The following MYRFL variants were observed in gnomAD, a reference collection of about 807,000 sequenced individuals.
MYRFL encodes myelin regulatory factor-like protein.
A neutral mutation model predicts 109.4 loss-of-function variants in MYRFL; 88 were observed. The ratio of observed to expected loss-of-function variants is 0.80; its 90% CI spans 0.68 to 0.96. The LOEUF (loss-of-function observed/expected upper bound fraction) is 0.96, where lower values mean the gene tolerates loss of function less well. MYRFL is among the 40% of genes least tolerant of loss of function. MYRFL has a pLI of 0.00. For synonymous variants in MYRFL, 324 were observed against 320.9 expected (o/e 1.01, Z -0.10); for missense variants, 957 against 954.9 (o/e 1.00, Z -0.03).
intron 22 of MYRFL, among the ~76,000 whole-genome samples, chr12:69,955,890 A>C (rs1956082843): frequency 6.6e-6 from 1 of 151,802 alleles, no homozygotes; most frequent in Non-Finnish European, 1.5e-5. Flanking sequence ...TGGACAGACC[A>C]GGGTCCAAGG....
At chr12:69,902,128 A>T (rs1954215265) in intron 10 of MYRFL, among the ~76,000 whole-genome samples, 1 of 151,932 alleles carries the variant, frequency 6.6e-6, no homozygotes, top group Non-Finnish European at 1.5e-5. Context: ...TCCTGACCTC[A>T]GGTGATCCAC....
chr12:69,847,294 G>T (rs1407914409), intron 1 of MYRFL, among the ~76,000 whole-genome samples: 2 of 152,132 alleles, frequency 1.3e-5, no homozygotes, highest in East Asian at 3.8e-4. Context: ...ATAGAACAGA[G>T]AGCATATGCC....
intron 19 of MYRFL, among the ~76,000 whole-genome samples, chr12:69,946,025 T>G (rs1955830173): frequency 7.5e-6 from 1 of 132,962 alleles, no homozygotes; most frequent in African/African-American, 2.9e-5. Context: ...TTATAGAAAC[T>G]TAATCAAGGG....
At chr12:69,919,141 T>C (rs778356510) in intron 13 of MYRFL, among the ~76,000 whole-genome samples, 15 of 152,216 alleles carry the variant, frequency 9.9e-5, no homozygotes, top group Non-Finnish European at 2.1e-4. Context: ...ATTGTGTTCA[T>C]CAATTGAATA....
chr12:69,833,391 G>A (rs1882751270), intron 1 of MYRFL, among the ~76,000 whole-genome samples: 1 of 152,194 alleles, frequency 6.6e-6, no homozygotes, highest in Admixed American at 6.5e-5. Flanking sequence ...AAAGAAGGTT[G>A]TATGTGACCT....
At chr12:69,935,615 A>AAGAC (rs1198382755) in intron 16 of MYRFL, among the ~76,000 whole-genome samples, 1 of 152,180 alleles carries the variant, frequency 6.6e-6, no homozygotes, top group Non-Finnish European at 1.5e-5. Context: ...GTGCTCTGAA[A>AAGAC]AGACAGGCAG....
intron 2 of MYRFL, among the ~76,000 whole-genome samples, chr12:69,858,755 C>T (rs1047451500): frequency 9.2e-5 from 14 of 151,580 alleles, no homozygotes; most frequent in African/African-American, 3.1e-4. Flanking sequence ...TCAATGTGGA[C>T]GTTTATCAAT....
chr12:69,935,568 G>T lies in MYRFL; in HGVS notation c.1917-545G>T, dbSNP rs1365137529. Among the ~76,000 whole-genome samples, 3 of 152,310 alleles carry T rather than the reference G, an allele frequency of 2.0e-5. No individual in the cohort carries two copies. In the East Asian group the frequency reaches 5.8e-4, roughly 29 times the overall value. On this transcript the variant is annotated intron_variant, in intron 16 of 24. Transcript: ENST00000552032. ...ACAGTGTGGAAACAAATACTTTCTTGCAGTTCTTTTCCTTCCTCTGACCTG... is the reference window on the plus strand; with the variant it reads ...ACAGTGTGGAAACAAATACTTTCTTTCAGTTCTTTTCCTTCCTCTGACCTG...
At chr12:69,858,973 T>G (rs1285098719) in intron 2 of MYRFL, among the ~76,000 whole-genome samples, 1 of 151,960 alleles carries the variant, frequency 6.6e-6, no homozygotes, top group Non-Finnish European at 1.5e-5. Context: ...ATTTAAGCAT[T>G]CAATGCTGTA....
chr12:69,928,923 CA>C (rs1348157610), intron 15 of MYRFL, among the ~76,000 whole-genome samples: 1 of 152,198 alleles, frequency 6.6e-6, no homozygotes, highest in Non-Finnish European at 1.5e-5. Context: ...TGGTCACCTG[CA>C]ATCTCTGTAG....
intron 13 of MYRFL, among the ~76,000 whole-genome samples, chr12:69,917,377 C>T (rs1217763654): frequency 7.3e-6 from 1 of 136,078 alleles, no homozygotes; most frequent in East Asian, 2.2e-4. Flanking sequence ...CTTGTTTATT[C>T]ACTGACTTTT....
chr12:69,950,761 G>A (rs1043964980), intron 19 of MYRFL, among the ~76,000 whole-genome samples: 1 of 152,068 alleles, frequency 6.6e-6, no homozygotes, highest in Admixed American at 6.5e-5. Flanking sequence ...AGATTCCTTG[G>A]TTATTTATTT....
intron 19 of MYRFL, among the ~76,000 whole-genome samples, chr12:69,943,783 A>T (rs1955743932): frequency 6.7e-6 from 1 of 150,142 alleles, no homozygotes; most frequent in South Asian, 2.1e-4. Flanking sequence ...CAACCTACTC[A>T]TCTGACAAAG....
chr12:69,953,762 CGG>C (rs1339291529), intron 21 of MYRFL, among the ~76,000 whole-genome samples: 8 of 118,956 alleles, frequency 6.7e-5, no homozygotes, highest in Non-Finnish European at 1.2e-4. Context: ...AAGTGCAACC[CGG>C]ACACACACAC....
At chr12:69,874,972 T>A (rs1024205334) in intron 2 of MYRFL, among the ~76,000 whole-genome samples, 1 of 151,236 alleles carries the variant, frequency 6.6e-6, no homozygotes, top group Admixed American at 6.6e-5. Flanking sequence ...TCTTTAAAGA[T>A]ATAAATGTAT....
At chr12:69,947,022 A>AAGCCTCTTCTCTTCTGCTGCTGGTTT (rs1955856981) in intron 19 of MYRFL, 1 of 152,298 alleles carries the variant, frequency 6.6e-6, no homozygotes, top group South Asian at 2.1e-4. Flanking sequence ...AGTCTGAGCA[A>AAGCCTCTTCTCTTCTGCTGCTGGTTT]AGCCTCTTCT....
At chr12:69,958,216 T>C in intron 23 of MYRFL, 33 bp from the exon 24 acceptor site, 1 of 1,497,706 alleles carries the variant, frequency 6.7e-7, no homozygotes. Context: ...CAAATGCGTG[T>C]ACGAAATGGA....
At chr12:69,912,386 T>C (rs1954598273) in intron 13 of MYRFL, among the ~76,000 whole-genome samples, 2 of 152,244 alleles carry the variant, frequency 1.3e-5, no homozygotes, top group Non-Finnish European at 2.9e-5. Flanking sequence ...CATCATGTTA[T>C]ACAACCATCA....
chr12:69,842,151 C>T (rs56132553), intron 1 of MYRFL, among the ~76,000 whole-genome samples: 16,391 of 152,220 alleles, frequency 0.11, 1,217 homozygotes, highest in Middle Eastern at 0.18. Flanking sequence ...CACATGTCCA[C>T]TGTGTTAAGA....
Sources: allele counts gnomAD v4.1 joint callset (sites outside exome capture counted in the v4.1 genomes callset), GRCh38; gene constraint gnomAD v4.1.1; transcripts MANE v1.5; gene names NCBI Gene and HGNC (gene_info 2026-07-23, HGNC 2026-07-21).